The following SPATA13 variants were observed in gnomAD, a reference collection of about 807,000 sequenced individuals.
SPATA13 encodes spermatogenesis associated 13.
SPATA13 carries 50 observed loss-of-function variants against 104.0 expected under a neutral mutation model. That is an observed-to-expected ratio of 0.48 (90% CI 0.38 to 0.61). SPATA13 has a LOEUF of 0.61. Among genes scored for constraint, SPATA13 ranks in the 20% least tolerant of loss-of-function variants. The pLI, the probability that SPATA13 is intolerant of heterozygous loss-of-function variation, is 0.00. For missense variants in SPATA13, 1,524 were observed against 1,690.6 expected (o/e 0.90, Z 1.73); for synonymous variants, 606 against 667.5 (o/e 0.91, Z 1.42).
At chr13:23,987,180 G>A (rs1382389231) in intron 2 of SPATA13, among the ~76,000 whole-genome samples, 1 of 152,100 alleles carries the variant, frequency 6.6e-6, no homozygotes, top group African/African-American at 2.4e-5. Context: ...TAGTTTATGG[G>A]ATGGATAATC....
chr13:24,302,352 C>T (rs1410579001), intron 12 of SPATA13, among the ~76,000 whole-genome samples: 2 of 148,870 alleles, frequency 1.3e-5, no homozygotes, highest in Non-Finnish European at 3.0e-5. Flanking sequence ...GGTCCAGCTA[C>T]TTAGGAGGCT....
At chr13:24,149,793 A>G (rs9507260) in intron 3 of SPATA13, among the ~76,000 whole-genome samples, 83,821 of 152,072 alleles carry the variant, frequency 0.55, 23,483 homozygotes, top group Admixed American at 0.62. Context: ...AGGTTGTCAC[A>G]GGCCTTGCAT....
At chr13:24,107,130 G>A (rs915657355) in intron 3 of SPATA13, among the ~76,000 whole-genome samples, 1 of 149,268 alleles carries the variant, frequency 6.7e-6, no homozygotes, top group Non-Finnish European at 1.5e-5. Flanking sequence ...GCTCTATCAG[G>A]TGAAGGAAAT....
rs532497946 is a variant in SPATA13 at position 24,291,291 on chromosome 13, C to T, written c.3080+407C>T. On this transcript the variant is annotated intron_variant, in intron 9 of 12. Transcript: ENST00000382108. Reference sequence around the variant, plus strand: ...TTCTCTCCTGTACCCTTGAGGTTGACGTACAGCAGCTCGGCTCAGAGCAGG... The same window carrying T: ...TTCTCTCCTGTACCCTTGAGGTTGATGTACAGCAGCTCGGCTCAGAGCAGG... Among the ~76,000 whole-genome samples, 145 of 152,340 alleles carry T rather than the reference C, an allele frequency of 9.5e-4. 3 individuals are homozygous for T. The highest frequency in any genetic ancestry group is 9.8e-4 in the Admixed American group (15 of 15,304).
At chr13:24,249,335 G>A (rs750619334) in intron 2 of SPATA13, 142 bp from the exon 3 acceptor site, 4 of 1,055,038 alleles carry the variant, frequency 3.8e-6, no homozygotes, top group Non-Finnish European at 5.3e-6. Context: ...TCATGTTCTA[G>A]TACACAAATA....
intron 4 of SPATA13, 113 bp downstream of exon 4, chr13:24,251,975 G>C: frequency 1.5e-6 from 2 of 1,348,626 alleles, no homozygotes; most frequent in Non-Finnish European, 2.0e-6. Context: ...GCCAGGGCGC[G>C]TTTGTCTGGG....
At chr13:24,253,540 G>C (rs752444840) in intron 4 of SPATA13, among the ~76,000 whole-genome samples, 35 of 152,174 alleles carry the variant, frequency 2.3e-4, no homozygotes, top group Non-Finnish European at 4.1e-4. Context: ...TAGAGAATTT[G>C]GGATGCTGTG....
chr13:24,202,167 C>A (rs1044772715), intron 1 of SPATA13, among the ~76,000 whole-genome samples: 3 of 152,068 alleles, frequency 2.0e-5, no homozygotes, highest in Admixed American at 1.3e-4. Context: ...CTAAGTTTAT[C>A]CTTGCCTTTT....
At chr13:24,018,110 A>G (rs532174348) in intron 3 of SPATA13, among the ~76,000 whole-genome samples, 4 of 152,232 alleles carry the variant, frequency 2.6e-5, no homozygotes, top group Non-Finnish European at 5.9e-5. Context: ...CGAGTCTTAC[A>G]TTTTAAGATA....
intron 3 of SPATA13, among the ~76,000 whole-genome samples, chr13:24,092,153 T>A (rs976648604): frequency 6.6e-6 from 1 of 152,248 alleles, no homozygotes; most frequent in Non-Finnish European, 1.5e-5. Flanking sequence ...AGAACAGGTT[T>A]AGGGAGGTAC....
intron 2 of SPATA13, 42 bp downstream of exon 2, chr13:24,224,624 G>A (rs1189080816): frequency 6.5e-7 from 1 of 1,533,896 alleles, no homozygotes. Flanking sequence ...CGACCCTCCT[G>A]CGGGAAGGGA....
intron 10 of SPATA13, among the ~76,000 whole-genome samples, chr13:24,296,760 C>G (rs1876811082): frequency 6.6e-6 from 1 of 152,180 alleles, no homozygotes; most frequent in South Asian, 2.1e-4. Context: ...GCTAGGAAGA[C>G]CCCTCAGCTA....
chr13:24,245,016 G>A (rs971841841), intron 2 of SPATA13, among the ~76,000 whole-genome samples: 1 of 152,194 alleles, frequency 6.6e-6, no homozygotes, highest in African/African-American at 2.4e-5. Flanking sequence ...CAGAGCTCTG[G>A]CATGGCCGTG....
chr13:24,060,856 T>C (rs537641466), intron 3 of SPATA13, among the ~76,000 whole-genome samples: 2 of 152,242 alleles, frequency 1.3e-5, no homozygotes, highest in African/African-American at 4.8e-5. Context: ...GTGGCCAACA[T>C]GGCAAAACCC....
chr13:24,271,044 C>G lies in SPATA13; in HGVS notation c.2165-13091C>G, dbSNP rs1874574398. On this transcript the variant is annotated intron_variant, in intron 4 of 12. Coordinates refer to ENST00000382108, the MANE Select transcript of SPATA13 (RefSeq NM_001166271.3). ...TCACTCTCTCTCTCTCTCTCTCACT[C>G]TCTCTCTCTCTCTCACTCTCTCTCT... The G allele has an allele frequency of 1.1e-5, 7 of 665,744 alleles. No individual in the cohort carries two copies. The South Asian group carries it at 1.2e-4, about 11-fold the overall frequency. 41.2% of individuals were successfully genotyped at this position (665,744 alleles called of 1,614,324 possible). A position where few individuals can be genotyped will look rare whatever the true frequency, so the allele number is the denominator to read the frequency against.
At chr13:24,225,724 A>T (rs1181204951) in intron 2 of SPATA13, among the ~76,000 whole-genome samples, 2 of 152,082 alleles carry the variant, frequency 1.3e-5, no homozygotes, top group African/African-American at 4.8e-5. Flanking sequence ...TAGTTGAGGG[A>T]ATCCCAAGGT....
At chr13:23,988,629 C>T (rs1408645671) in intron 2 of SPATA13, among the ~76,000 whole-genome samples, 2 of 152,220 alleles carry the variant, frequency 1.3e-5, no homozygotes, top group Non-Finnish European at 2.9e-5. Flanking sequence ...TATAAAGAAT[C>T]TGTCTCCCAA....
chr13:24,158,745 G>A (rs1404281656), upstream of SPATA13, among the ~76,000 whole-genome samples: 1 of 152,212 alleles, frequency 6.6e-6, no homozygotes, highest in Non-Finnish European at 1.5e-5. Context: ...TCTTACATGG[G>A]CTAAAGTTTT....
At chr13:24,074,303 G>C (rs886317542) in intron 3 of SPATA13, among the ~76,000 whole-genome samples, 4 of 152,126 alleles carry the variant, frequency 2.6e-5, no homozygotes, top group Non-Finnish European at 5.9e-5. Context: ...TTTAACTCAA[G>C]ATTCATCCAC....
Sources: gnomAD v4.1 joint callset for allele counts (sites outside exome capture counted in the v4.1 genomes callset) on GRCh38, gnomAD v4.1.1 for gene constraint, MANE v1.5 for transcripts, NCBI Gene and HGNC (gene_info 2026-07-23, HGNC 2026-07-21) for gene names.